PTPRM: variants seen among roughly 807,000 people sequenced by gnomAD.
PTPRM encodes protein tyrosine phosphatase receptor type M.
A neutral mutation model predicts 186.7 loss-of-function variants in PTPRM; 47 were observed. That is an observed-to-expected ratio of 0.25 (90% confidence interval 0.20 to 0.32). The LOEUF (loss-of-function observed/expected upper bound fraction) is 0.32. PTPRM is among the 10% of genes least tolerant of loss of function. The pLI is 1.00. For missense variants in PTPRM, 1,494 were observed against 1,865.0 expected (o/e 0.80, Z 3.66); for synonymous variants, 668 against 674.9 (o/e 0.99, Z 0.16).
At chr18:7,862,366 TA>T (rs1484435736) in intron 2 of PTPRM, among the ~76,000 whole-genome samples, 2 of 152,212 alleles carry the variant, frequency 1.3e-5, no homozygotes, top group African/African-American at 4.8e-5. Context: ...ATACTGCTAA[TA>T]AAATTGTGCT....
chr18:8,379,045 G>T (rs922217635), intron 27 of PTPRM, 122 bp from the exon 28 acceptor site: 7 of 726,208 alleles, frequency 9.6e-6, no homozygotes, highest in Non-Finnish European at 1.3e-5. Flanking sequence ...GGGTTGGGGA[G>T]GGAGGGGGAA....
intron 19 of PTPRM, among the ~76,000 whole-genome samples, chr18:8,267,662 A>C (rs185568533): frequency 1.3e-5 from 2 of 152,306 alleles, no homozygotes; most frequent in Non-Finnish European, 1.5e-5. Flanking sequence ...TGAAATTACT[A>C]GTTCGAAGTA....
intron 13 of PTPRM, among the ~76,000 whole-genome samples, chr18:8,129,670 G>A (rs2092455430): frequency 6.6e-6 from 1 of 152,124 alleles, no homozygotes; most frequent in Non-Finnish European, 1.5e-5. Context: ...TAGTATTTGT[G>A]AGAGTTCTTT....
chr18:7,930,354 G>A (rs1278290543), intron 5 of PTPRM, among the ~76,000 whole-genome samples: 1 of 152,158 alleles, frequency 6.6e-6, no homozygotes, highest in Non-Finnish European at 1.5e-5. Flanking sequence ...ACAGACGTGA[G>A]CCACCATGCC....
At chr18:8,265,441 T>A (rs1368809117) in intron 19 of PTPRM, among the ~76,000 whole-genome samples, 8 of 152,188 alleles carry the variant, frequency 5.3e-5, no homozygotes, top group Non-Finnish European at 1.2e-4. Flanking sequence ...CCAACCAACC[T>A]TGCAGCAGGA....
intron 4 of PTPRM, among the ~76,000 whole-genome samples, chr18:7,915,935 T>C (rs1386648482): frequency 1.3e-5 from 2 of 152,216 alleles, no homozygotes; most frequent in African/African-American, 2.4e-5. Flanking sequence ...TAGCAGAAAG[T>C]TTGACTTTCA....
intron 22 of PTPRM, among the ~76,000 whole-genome samples, chr18:8,323,078 C>T (rs1362235792): frequency 6.6e-6 from 1 of 152,274 alleles, no homozygotes; most frequent in Non-Finnish European, 1.5e-5. Flanking sequence ...AGCCTCCCAC[C>T]GTGGCCTCCC....
At chr18:8,084,023 A>C (rs2145237947) in intron 9 of PTPRM, among the ~76,000 whole-genome samples, 1 of 152,254 alleles carries the variant, frequency 6.6e-6, no homozygotes, top group East Asian at 1.9e-4. Context: ...GAGAACACTA[A>C]GCTAGCCACG....
intron 7 of PTPRM, among the ~76,000 whole-genome samples, chr18:8,020,496 A>G (rs764666416): frequency 5.3e-5 from 8 of 152,174 alleles, no homozygotes; most frequent in Non-Finnish European, 1.2e-4. Context: ...TTGTTTTTCA[A>G]ATGAGGTTTT....
chr18:8,213,384 G>C (rs2094033866), intron 14 of PTPRM, among the ~76,000 whole-genome samples: 1 of 152,192 alleles, frequency 6.6e-6, no homozygotes, highest in Non-Finnish European at 1.5e-5. Context: ...ATCAAGAGAA[G>C]ATTCCAATGG....
intron 1 of PTPRM, among the ~76,000 whole-genome samples, chr18:7,763,319 G>A (rs1183964167): frequency 6.6e-6 from 1 of 152,192 alleles, no homozygotes; most frequent in Non-Finnish European, 1.5e-5. Context: ...AGGTGGAGGA[G>A]CACCAGTTCA....
intron 2 of PTPRM, among the ~76,000 whole-genome samples, chr18:7,810,406 T>G (rs548089330): frequency 3.9e-5 from 6 of 152,372 alleles, no homozygotes; most frequent in Non-Finnish European, 8.8e-5. Context: ...GGATGCAAAT[T>G]ACTTGAAGTA....
intron 20 of PTPRM, among the ~76,000 whole-genome samples, chr18:8,298,876 G>C (rs187070181): frequency 1.3e-5 from 2 of 152,182 alleles, no homozygotes; most frequent in East Asian, 3.8e-4. Flanking sequence ...CACTTTGAGA[G>C]GCTGAGGTGG....
intron 9 of PTPRM, among the ~76,000 whole-genome samples, chr18:8,081,278 C>G (rs1017002216): frequency 6.6e-6 from 1 of 152,194 alleles, no homozygotes; most frequent in East Asian, 1.9e-4. Context: ...ATAGAAGCAA[C>G]AGTTTACTCC....
intron 14 of PTPRM, among the ~76,000 whole-genome samples, chr18:8,231,854 A>AC (rs769239205): frequency 7.2e-5 from 11 of 152,026 alleles, no homozygotes; most frequent in Non-Finnish European, 1.5e-4. Flanking sequence ...TAGTTCTAAC[A>AC]CCCCCCTGCC....
chr18:8,172,842 G>A lies in PTPRM; in HGVS notation c.2300+29063G>A, dbSNP rs115483117. Among the ~76,000 whole-genome samples the A allele has an allele frequency of 4.7e-3, 717 of 152,276 alleles. 5 individuals carry two copies. The highest frequency in any genetic ancestry group is 0.022 in the South Asian group (105 of 4,820). On this transcript the variant is annotated intron_variant, in intron 14 of 32. Transcript: ENST00000580170. ...CCAGCAAACACCATGGTTTGGTCTC[G>A]AAAGGGTCCCAGATGAACTAACTCA...
At chr18:8,285,729 C>T (rs1467662357) in intron 19 of PTPRM, among the ~76,000 whole-genome samples, 2 of 152,148 alleles carry the variant, frequency 1.3e-5, no homozygotes, top group African/African-American at 2.4e-5. Flanking sequence ...TGGTGGCTCA[C>T]GACTGTAATC....
chr18:8,143,847 G>C, intron 14 of PTPRM, 68 bp downstream of exon 14: 1 of 1,572,370 alleles, frequency 6.4e-7, no homozygotes. Flanking sequence ...TTGTGTGTGT[G>C]AAAATTCTCA....
At chr18:8,209,982 G>C (rs1236297868) in intron 14 of PTPRM, among the ~76,000 whole-genome samples, 1 of 83,966 alleles carries the variant, frequency 1.2e-5, no homozygotes, top group Non-Finnish European at 2.3e-5. Context: ...GGAACTTGAA[G>C]TAAAATTAAA....
Sources: allele counts gnomAD v4.1 joint callset (sites outside exome capture counted in the v4.1 genomes callset), GRCh38; gene constraint gnomAD v4.1.1; transcripts MANE v1.5; gene names NCBI Gene and HGNC (gene_info 2026-07-23, HGNC 2026-07-21).